RARB: variants seen among roughly 807,000 people sequenced by gnomAD.
RARB encodes HBV-activated protein.
A neutral mutation model predicts 51.9 loss-of-function variants in RARB; 17 were observed. The observed-to-expected ratio is 0.33, with a 90% CI of 0.22 to 0.49. The LOEUF (loss-of-function observed/expected upper bound fraction) is 0.49, where lower values mean the gene tolerates loss of function less well. RARB is among the 20% of genes least tolerant of loss of function. The probability of loss-of-function intolerance (pLI) is 0.99; values close to 1 mark genes in which losing one functional copy is unlikely to be tolerated. For missense variants in RARB, 369 were observed against 550.8 expected (o/e 0.67, Z 3.30); for synonymous variants, 215 against 195.4 (o/e 1.10, Z -0.84).
intron 3 of RARB, among the ~76,000 whole-genome samples, chr3:25,112,238 C>G (rs1699614642): frequency 6.6e-6 from 1 of 152,064 alleles, no homozygotes; most frequent in Non-Finnish European, 1.5e-5. Context: ...CCTTTCAGTC[C>G]TCATATCACT....
intron 5 of RARB, among the ~76,000 whole-genome samples, chr3:25,344,578 A>C (rs1559365407): frequency 6.6e-6 from 1 of 152,234 alleles, no homozygotes; most frequent in Admixed American, 6.5e-5. Context: ...CAAAAAGACA[A>C]ACACATGTTT....
intron 5 of RARB, among the ~76,000 whole-genome samples, chr3:25,204,726 G>C (rs1185720234): frequency 6.6e-6 from 1 of 152,170 alleles, no homozygotes; most frequent in Non-Finnish European, 1.5e-5. Flanking sequence ...AGCAGCAGAG[G>C]CTGCAGAACG....
At chr3:25,266,797 A>T (rs1215718670) in intron 5 of RARB, among the ~76,000 whole-genome samples, 1 of 152,230 alleles carries the variant, frequency 6.6e-6, no homozygotes, top group African/African-American at 2.4e-5. Flanking sequence ...CCTGCCATAT[A>T]AGGAAACAGT....
At chr3:25,415,476 TG>T (rs1707678354) in intron 5 of RARB, among the ~76,000 whole-genome samples, 1 of 152,236 alleles carries the variant, frequency 6.6e-6, no homozygotes, top group South Asian at 2.1e-4. Flanking sequence ...ATATTTTTCC[TG>T]GTATAAATCC....
chr3:25,266,741 G>A (rs1703135889), intron 5 of RARB, among the ~76,000 whole-genome samples: 1 of 152,092 alleles, frequency 6.6e-6, no homozygotes, highest in African/African-American at 2.4e-5. Context: ...TGATAGAACT[G>A]GTGTCCTTTT....
intron 4 of RARB, among the ~76,000 whole-genome samples, chr3:25,153,296 G>A (rs557603585): frequency 8.5e-5 from 13 of 152,246 alleles, no homozygotes; most frequent in African/African-American, 2.9e-4. Flanking sequence ...CACGTCATCC[G>A]CAGACTTTTA....
chr3:24,861,764 T>C (rs1377511125), intron 2 of RARB, among the ~76,000 whole-genome samples: 2 of 152,194 alleles, frequency 1.3e-5, no homozygotes, highest in Non-Finnish European at 2.9e-5. Flanking sequence ...TCATGTAGCC[T>C]CTGGAAAACT....
chr3:25,362,644 C>T (rs777683398), intron 5 of RARB, among the ~76,000 whole-genome samples: 24 of 152,192 alleles, frequency 1.6e-4, no homozygotes, highest in Admixed American at 8.5e-4. Flanking sequence ...TTGCAAAGAC[C>T]ATGAGAAAAG....
intron 3 of RARB, among the ~76,000 whole-genome samples, chr3:25,093,363 T>C (rs1461008590): frequency 6.6e-6 from 1 of 152,174 alleles, no homozygotes; most frequent in Non-Finnish European, 1.5e-5. Context: ...GAGAAAATTA[T>C]GGCAGTGAAA....
chr3:24,993,366 A>C (rs944311827), intron 2 of RARB, among the ~76,000 whole-genome samples: 1 of 152,136 alleles, frequency 6.6e-6, no homozygotes, highest in Non-Finnish European at 1.5e-5. Context: ...CGTGGACAAA[A>C]TGTTTATTAT....
chr3:24,876,013 A>G (rs1703036651), intron 2 of RARB, among the ~76,000 whole-genome samples: 1 of 151,952 alleles, frequency 6.6e-6, no homozygotes, highest in Non-Finnish European at 1.5e-5. Context: ...CTCCGTTTGG[A>G]TCTAATAATT....
At chr3:24,984,780 G>C (rs567915482) in intron 2 of RARB, among the ~76,000 whole-genome samples, 1 of 152,288 alleles carries the variant, frequency 6.6e-6, no homozygotes, top group East Asian at 1.9e-4. Flanking sequence ...TGGGGAAACA[G>C]GTTAATCTGC....
chr3:25,340,125 C>T (rs1559363773), intron 5 of RARB, among the ~76,000 whole-genome samples: 1 of 152,064 alleles, frequency 6.6e-6, no homozygotes, highest in Non-Finnish European at 1.5e-5. Flanking sequence ...ATGCAGAGAC[C>T]TGCTGACATG....
chr3:25,237,357 C>CT (rs1344289674), intron 5 of RARB, among the ~76,000 whole-genome samples: 4 of 151,986 alleles, frequency 2.6e-5, no homozygotes, highest in Non-Finnish European at 4.4e-5. Context: ...AAATATTCTG[C>CT]TTTTTTTCCT....
intron 1 of RARB, among the ~76,000 whole-genome samples, chr3:25,456,957 A>G (rs576748262): frequency 7.9e-5 from 12 of 152,174 alleles, no homozygotes; most frequent in South Asian, 2.1e-4. Context: ...TCCTGGGATA[A>G]ATAAGGCCTA....
intron 4 of RARB, among the ~76,000 whole-genome samples, chr3:25,170,038 T>C: frequency 6.6e-6 from 1 of 151,596 alleles, no homozygotes; most frequent in South Asian, 2.1e-4. Context: ...ATTGAAGTAC[T>C]TGCTTCTGAG....
chr3:25,156,982 A>C (rs2649617), intron 4 of RARB, among the ~76,000 whole-genome samples: 1 of 152,224 alleles, frequency 6.6e-6, no homozygotes, highest in Admixed American at 6.5e-5. Context: ...AACCTCAGTC[A>C]GCGGAAATAA....
chr3:24,911,828 G>A (rs1694994726), intron 2 of RARB, among the ~76,000 whole-genome samples: 1 of 152,118 alleles, frequency 6.6e-6, no homozygotes, highest in Admixed American at 6.5e-5. Flanking sequence ...TGTATTTGTG[G>A]GAGTGTGTTT....
intron 2 of RARB, among the ~76,000 whole-genome samples, chr3:25,489,765 G>C (rs1055960711): frequency 1.3e-5 from 2 of 152,234 alleles, no homozygotes; most frequent in Admixed American, 6.5e-5. Flanking sequence ...CCTGTGGAAA[G>C]GCACTGAGCA....
Sources: allele counts gnomAD v4.1 joint callset (sites outside exome capture counted in the v4.1 genomes callset), GRCh38; gene constraint gnomAD v4.1.1; transcripts MANE v1.5; gene names NCBI Gene and HGNC (gene_info 2026-07-23, HGNC 2026-07-21).